The following PPP1R12B variants were observed in gnomAD, a reference collection of about 807,000 sequenced individuals.
The protein encoded by PPP1R12B is protein phosphatase 1 regulatory subunit 12B.
A neutral mutation model predicts 126.1 loss-of-function variants in PPP1R12B; 76 were observed. The ratio of observed to expected loss-of-function variants is 0.60; its 90% CI spans 0.50 to 0.73. The LOEUF (loss-of-function observed/expected upper bound fraction) is 0.73, where lower values mean the gene tolerates loss of function less well. Ranked by LOEUF, PPP1R12B falls within the 30% of genes least tolerant of loss-of-function variation. The pLI, the probability that PPP1R12B is intolerant of heterozygous loss-of-function variation, is 0.00. For missense variants in PPP1R12B, 1,052 were observed against 1,205.1 expected (o/e 0.87, Z 1.88); for synonymous variants, 356 against 434.7 (o/e 0.82, Z 2.25).
intron 18 of PPP1R12B, among the ~76,000 whole-genome samples, chr1:202,542,716 C>T (rs972053306): frequency 4.6e-5 from 7 of 152,168 alleles, no homozygotes; most frequent in African/African-American, 1.7e-4. Flanking sequence ...GACCATGGAG[C>T]CCACAGAACC....
At chr1:202,369,602 A>AT in intron 1 of PPP1R12B, 1 of 192,906 alleles carries the variant, frequency 5.2e-6, no homozygotes, top group South Asian at 1.1e-4. Context: ...GACAATGGTC[A>AT]TTTTTGTTCC....
chr1:202,379,957 A>C (rs1477016770), intron 1 of PPP1R12B, among the ~76,000 whole-genome samples: 1 of 152,174 alleles, frequency 6.6e-6, no homozygotes, highest in East Asian at 1.9e-4. Flanking sequence ...ATTCTGATGC[A>C]ATTTTGCATT....
chr1:202,424,439 T>C (rs573848278), intron 3 of PPP1R12B, among the ~76,000 whole-genome samples: 1 of 151,804 alleles, frequency 6.6e-6, no homozygotes, highest in South Asian at 2.1e-4. Flanking sequence ...TTCTCATGAC[T>C]CAGCCTCCCA....
intron 18 of PPP1R12B, among the ~76,000 whole-genome samples, chr1:202,539,058 A>G (rs1317661412): frequency 6.6e-6 from 1 of 152,204 alleles, no homozygotes; most frequent in African/African-American, 2.4e-5. Flanking sequence ...TCACGGTGCA[A>G]CAGGAATGGC....
intron 3 of PPP1R12B, among the ~76,000 whole-genome samples, chr1:202,424,358 G>T (rs1669224098): frequency 6.8e-6 from 1 of 146,532 alleles, no homozygotes. Flanking sequence ...GAGTCTCACT[G>T]TGTCTCCCAG....
rs528699152 is a variant in PPP1R12B, at chr1:202,494,666, A to G, written c.2146-627A>G. 2.6e-5 allele frequency among the ~76,000 whole-genome samples: 4 copies of G among 151,542 alleles called. No individual in the cohort carries two copies. In the East Asian group the frequency reaches 7.7e-4, roughly 29 times the overall value. ...GGTTGCAGTGAGCCAAGATCGCAGCACTGCACTCCAGCCTGGGCAACAGAG... is the reference window on the plus strand; with the variant it reads ...GGTTGCAGTGAGCCAAGATCGCAGCGCTGCACTCCAGCCTGGGCAACAGAG... On this transcript the variant is annotated intron_variant, in intron 15 of 23. Coordinates refer to ENST00000608999, the MANE Select transcript of PPP1R12B (RefSeq NM_002481.4).
intron 8 of PPP1R12B, among the ~76,000 whole-genome samples, chr1:202,432,898 C>T (rs1670359235): frequency 6.6e-6 from 1 of 152,188 alleles, no homozygotes. Flanking sequence ...GTCTGGCCAC[C>T]AGCTCCTGAT....
chr1:202,479,269 T>C (rs570717400), intron 13 of PPP1R12B, among the ~76,000 whole-genome samples: 1 of 152,324 alleles, frequency 6.6e-6, no homozygotes, highest in Admixed American at 6.5e-5. Context: ...GGACTTCTGC[T>C]TCAGTCTGTG....
intron 18 of PPP1R12B, among the ~76,000 whole-genome samples, chr1:202,526,676 A>G (rs1471678699): frequency 2.0e-5 from 3 of 152,208 alleles, no homozygotes; most frequent in African/African-American, 4.8e-5. Flanking sequence ...TTGAACAATG[A>G]ACAATAGTTC....
chr1:202,435,601 G>C (rs903035208), intron 9 of PPP1R12B, among the ~76,000 whole-genome samples: 2 of 152,172 alleles, frequency 1.3e-5, no homozygotes, highest in Admixed American at 6.5e-5. Flanking sequence ...GAATCTGTAG[G>C]CTTCTAGTCA....
intron 23 of PPP1R12B, chr1:202,575,173 A>G: frequency 6.3e-7 from 1 of 1,594,982 alleles, no homozygotes; most frequent in South Asian, 1.1e-5. Context: ...TCCCTCCTCC[A>G]CTACTCCAGG....
intron 18 of PPP1R12B, among the ~76,000 whole-genome samples, chr1:202,525,026 C>G (rs1287825648): frequency 2.0e-5 from 3 of 151,908 alleles, no homozygotes; most frequent in East Asian, 3.9e-4. Context: ...TTACAGGTGT[C>G]CGCCACCACA....
chr1:202,428,864 C>T lies in PPP1R12B; in HGVS notation c.856C>T (p.Pro286Ser). The change falls in exon 6 of 24, where the codon CCA becomes TCA. Residue 286 changes from proline to serine, a missense_variant. By Grantham distance (74) the Pro-to-Ser change is moderately conservative. Coordinates refer to ENST00000608999, the MANE Select transcript of PPP1R12B (RefSeq NM_002481.4). ...TCCTTTTCTCTGCCAGGGCCAGACACCATTTGATGTGGCTGATGAGGGTCT... is the reference window on the plus strand; with the variant it reads ...TCCTTTTCTCTGCCAGGGCCAGACATCATTTGATGTGGCTGATGAGGGTCT... ...MDIRNKLGQT[P>S]FDVADEGLVE... is the part of the protein sequence containing the mutation. 2 of 1,606,186 alleles carry T rather than the reference C, an allele frequency of 1.2e-6. No individual in the cohort carries two copies. Among genetic ancestry groups the T allele is most frequent in the African/African-American group, 1.3e-5 (1 of 74,592 alleles).
At chr1:202,377,119 A>G (rs1254842755) in intron 1 of PPP1R12B, among the ~76,000 whole-genome samples, 5 of 152,202 alleles carry the variant, frequency 3.3e-5, no homozygotes, top group African/African-American at 1.2e-4. Flanking sequence ...ACATGGTGTC[A>G]TGAAAACAGT....
At chr1:202,364,715 T>C (rs1226071503) in intron 1 of PPP1R12B, among the ~76,000 whole-genome samples, 2 of 152,164 alleles carry the variant, frequency 1.3e-5, no homozygotes, top group East Asian at 1.9e-4. Flanking sequence ...TAGCTGGGAC[T>C]ACAGGCGCCC....
At chr1:202,564,580 C>A in intron 21 of PPP1R12B, 33 bp downstream of exon 21, 1 of 1,550,716 alleles carries the variant, frequency 6.4e-7, no homozygotes, top group Non-Finnish European at 8.9e-7. Context: ...AAGATGAGAA[C>A]CAAGGGTTGA....
intron 18 of PPP1R12B, among the ~76,000 whole-genome samples, chr1:202,528,401 G>A (rs11589309): frequency 6.6e-6 from 1 of 152,202 alleles, no homozygotes; most frequent in Non-Finnish European, 1.5e-5. Context: ...ATGGAGCTTA[G>A]TTGTTTACTG....
chr1:202,471,289 T>C (rs1234469135), intron 13 of PPP1R12B, among the ~76,000 whole-genome samples: 1 of 152,208 alleles, frequency 6.6e-6, no homozygotes, highest in Non-Finnish European at 1.5e-5. Flanking sequence ...TGTACAATTA[T>C]ACCACAGTTT....
At chr1:202,566,667 G>C (rs559078560) in intron 21 of PPP1R12B, among the ~76,000 whole-genome samples, 1 of 152,242 alleles carries the variant, frequency 6.6e-6, no homozygotes, top group African/African-American at 2.4e-5. Flanking sequence ...ATCTATTTTT[G>C]CGTTTTTTTC....
Sources: allele counts gnomAD v4.1 joint callset (sites outside exome capture counted in the v4.1 genomes callset), GRCh38; gene constraint gnomAD v4.1.1; transcripts MANE v1.5; gene names NCBI Gene and HGNC (gene_info 2026-07-23, HGNC 2026-07-21).